PHACTR3: variants seen among roughly 807,000 people sequenced by gnomAD.
The protein encoded by PHACTR3 is protein phosphatase 1, regulatory subunit 123.
Under a neutral mutation model 66.8 loss-of-function variants are expected in PHACTR3, and 16 were observed. The observed-to-expected ratio is 0.24, with a 90% CI of 0.16 to 0.36. PHACTR3 has a LOEUF of 0.36. Ranked by LOEUF, PHACTR3 falls within the 10% of genes least tolerant of loss-of-function variation. The pLI, the probability that PHACTR3 is intolerant of heterozygous loss-of-function variation, is 1.00. For synonymous variants in PHACTR3, 323 were observed against 292.1 expected (o/e 1.11, Z -1.08); for missense variants, 647 against 719.9 (o/e 0.90, Z 1.16).
rs949890882 is a variant in PHACTR3 at position 59,738,373 on chromosome 20, G to T, written c.119-4734G>T. On this transcript the variant is annotated intron_variant, in intron 1 of 12. Coordinates refer to ENST00000371015, the MANE Select transcript of PHACTR3 (RefSeq NM_080672.5). This position sits in a 1 kb window ranked among gnomAD's most constrained non-coding sequence, Gnocchi z 4.4. ...GAGCACAGAGAGCTGCACAAGTTTA[G>T]TGATTAACTTGGATTTTGTCCTAAA... 6.6e-6 allele frequency among the ~76,000 whole-genome samples: 1 copy of T among 152,142 alleles called. No individual in the cohort carries two copies. Among genetic ancestry groups the T allele is most frequent in the African/African-American group, 2.4e-5 (1 of 41,428 alleles).
At chr20:59,612,907 A>C (rs2033903345) in intron 1 of PHACTR3, among the ~76,000 whole-genome samples, 1 of 152,130 alleles carries the variant, frequency 6.6e-6, no homozygotes, top group African/African-American at 2.4e-5. Context: ...GCAAAGGGGG[A>C]GCCAGCACAT....
At chr20:59,582,968 C>T (rs2146300697) in intron 1 of PHACTR3, among the ~76,000 whole-genome samples, 1 of 152,138 alleles carries the variant, frequency 6.6e-6, no homozygotes, top group Non-Finnish European at 1.5e-5. Context: ...TTAAGAAACC[C>T]TCTTCTGCCT....
intron 7 of PHACTR3, among the ~76,000 whole-genome samples, chr20:59,789,287 G>A (rs1182518): frequency 0.97 from 148,405 of 152,276 alleles, 72,345 homozygotes; most frequent in East Asian, 1. Context: ...GCTGGAGTTT[G>A]TAGGACAGGA....
At chr20:59,700,110 T>C (rs1455868580) in intron 1 of PHACTR3, among the ~76,000 whole-genome samples, 1 of 152,160 alleles carries the variant, frequency 6.6e-6, no homozygotes, top group Non-Finnish European at 1.5e-5. Context: ...ATTCACGATA[T>C]GTGTGTTTGT....
intron 1 of PHACTR3, among the ~76,000 whole-genome samples, chr20:59,625,792 C>T (rs7273159): frequency 0.011 from 1,711 of 152,222 alleles, 24 homozygotes; most frequent in African/African-American, 0.039. Context: ...ACCCTTGTTA[C>T]GCTGGGGTTC....
chr20:59,639,976 G>T (rs566925405), intron 1 of PHACTR3, among the ~76,000 whole-genome samples: 1 of 152,178 alleles, frequency 6.6e-6, no homozygotes, highest in Admixed American at 6.5e-5. Flanking sequence ...TCCAATTCTG[G>T]CATTGTAAGA....
At chr20:59,601,291 C>A (rs930451684), upstream of PHACTR3, among the ~76,000 whole-genome samples, 2 of 152,228 alleles carry the variant, frequency 1.3e-5, no homozygotes, top group African/African-American at 4.8e-5. Flanking sequence ...GATTGTGGCA[C>A]ATGTCAGTAC....
At chr20:59,841,045 TATA>T (rs1333825930) in intron 10 of PHACTR3, among the ~76,000 whole-genome samples, 4 of 152,334 alleles carry the variant, frequency 2.6e-5, no homozygotes, top group East Asian at 1.9e-4. Flanking sequence ...AAGCTGGACA[TATA>T]ATAACTTTAT....
At chr20:59,613,791 A>C (rs2033936598) in intron 1 of PHACTR3, among the ~76,000 whole-genome samples, 1 of 152,210 alleles carries the variant, frequency 6.6e-6, no homozygotes, top group Admixed American at 6.5e-5. Flanking sequence ...TTGTGCCATT[A>C]CTAAGAAATT....
intron 8 of PHACTR3, among the ~76,000 whole-genome samples, chr20:59,835,238 C>G (rs549637111): frequency 6.7e-6 from 1 of 149,766 alleles, no homozygotes; most frequent in East Asian, 2.0e-4. Context: ...GCTTTGCATA[C>G]ATTGTTTGGG....
At chr20:59,811,817 G>A (rs144698389) in intron 8 of PHACTR3, among the ~76,000 whole-genome samples, 2,380 of 152,298 alleles carry the variant, frequency 0.016, 65 homozygotes, top group African/African-American at 0.054. Context: ...TCAGCTGCGT[G>A]AGATAGGCCA....
chr20:59,625,587 G>A (rs1207469291), intron 1 of PHACTR3, among the ~76,000 whole-genome samples: 1 of 152,090 alleles, frequency 6.6e-6, no homozygotes, highest in Non-Finnish European at 1.5e-5. Context: ...CTCCCTGGCC[G>A]CCTTTGGTTT....
At chr20:59,641,692 A>G (rs1394135292) in intron 1 of PHACTR3, among the ~76,000 whole-genome samples, 1 of 152,226 alleles carries the variant, frequency 6.6e-6, no homozygotes, top group Non-Finnish European at 1.5e-5. Flanking sequence ...AGTCAAGTTG[A>G]CACATTAAAG....
chr20:59,590,265 A>C (rs2033147363), intron 1 of PHACTR3, among the ~76,000 whole-genome samples: 1 of 152,192 alleles, frequency 6.6e-6, no homozygotes, highest in Admixed American at 6.5e-5. Context: ...GTGTGGATAT[A>C]CCGTAGGGCA....
At chr20:59,644,809 A>G (rs1448372459) in intron 1 of PHACTR3, among the ~76,000 whole-genome samples, 1 of 151,590 alleles carries the variant, frequency 6.6e-6, no homozygotes, top group African/African-American at 2.4e-5. Flanking sequence ...TCCCTACCTC[A>G]TCGCTACTCA....
At chr20:59,592,802 C>T (rs1001405660) in intron 1 of PHACTR3, among the ~76,000 whole-genome samples, 2 of 150,886 alleles carry the variant, frequency 1.3e-5, no homozygotes, top group Non-Finnish European at 3.0e-5. Flanking sequence ...TTTACATTTC[C>T]TCCATATAAT....
At position 59,688,231 on chromosome 20, in the gene PHACTR3, C is replaced by T. The variant is rs112708087; in HGVS notation, c.119-54876C>T. The stretch of plus-strand genomic sequence containing the variant: ...CATAGTGTACATTATCATGCAGCTA[C>T]GAGTGAATATATGACAAAAATCATG... On this transcript the variant is annotated intron_variant, in intron 1 of 12. Coordinates refer to ENST00000371015, the MANE Select transcript of PHACTR3 (RefSeq NM_080672.5). Among the ~76,000 whole-genome samples, 1,012 of 152,174 alleles carry T rather than the reference C, an allele frequency of 6.7e-3. 10 individuals are homozygous for T. Among genetic ancestry groups the T allele is most frequent in the Non-Finnish European group, 0.011 (781 of 68,008 alleles).
intron 1 of PHACTR3, among the ~76,000 whole-genome samples, chr20:59,706,794 G>C (rs1001401112): frequency 1.3e-5 from 2 of 152,198 alleles, no homozygotes; most frequent in Admixed American, 1.3e-4. Flanking sequence ...TAGACGCACA[G>C]CAGGGAAACC....
intron 3 of PHACTR3, among the ~76,000 whole-genome samples, chr20:59,754,591 A>G (rs759147414): frequency 3.3e-5 from 5 of 152,218 alleles, no homozygotes; most frequent in Non-Finnish European, 7.3e-5. Flanking sequence ...CGGTGGGTGC[A>G]GAGGTGAGTT....
Sources: gnomAD v4.1 joint callset for allele counts (sites outside exome capture counted in the v4.1 genomes callset) on GRCh38, gnomAD v4.1.1 for gene constraint, Gnocchi (gnomAD v3.1) non-coding constraint, MANE v1.5 for transcripts, NCBI Gene and HGNC (gene_info 2026-07-23, HGNC 2026-07-21) for gene names.